The following ZNF33A variants were observed in gnomAD, a reference collection of about 807,000 sequenced individuals.
ZNF33A encodes brain my041 protein.
Under a neutral mutation model 15.9 loss-of-function variants are expected in ZNF33A, and 9 were observed. The observed-to-expected ratio is 0.57, with a 90% CI of 0.34 to 0.99. ZNF33A has a LOEUF of 0.99. Among genes scored for constraint, ZNF33A ranks in the 50% least tolerant of loss-of-function variants. The pLI is 0.02. For synonymous variants in ZNF33A, 294 were observed against 324.2 expected (o/e 0.91, Z 1.00); for missense variants, 843 against 941.6 (o/e 0.90, Z 1.37).
At chr10:38,067,146 C>G (rs2066716015), downstream of ZNF33A, among the ~76,000 whole-genome samples, 1 of 152,126 alleles carries the variant, frequency 6.6e-6, no homozygotes, top group South Asian at 2.1e-4. Flanking sequence ...TAATTTTCTC[C>G]TACCAGGAAA....
chr10:38,061,212 AGG>A (rs1213170266), downstream of ZNF33A, among the ~76,000 whole-genome samples: 1 of 151,950 alleles, frequency 6.6e-6, no homozygotes, highest in Non-Finnish European at 1.5e-5. Flanking sequence ...GAGACAACTG[AGG>A]GAGGTGAGTG....
chr10:38,015,589 G>A (rs1255919406), intron 2 of ZNF33A, among the ~76,000 whole-genome samples: 2 of 152,178 alleles, frequency 1.3e-5, no homozygotes, highest in South Asian at 2.1e-4. Context: ...CCAAAGTGCT[G>A]AGATTACAGG....
chr10:38,016,474 T>C (rs2064457815), intron 2 of ZNF33A, among the ~76,000 whole-genome samples: 1 of 152,150 alleles, frequency 6.6e-6, no homozygotes, highest in Non-Finnish European at 1.5e-5. Flanking sequence ...TAATAGAGTG[T>C]TTTTCATAAT....
chr10:38,052,324 A>G (rs1229453641), intron 4 of ZNF33A, among the ~76,000 whole-genome samples: 4 of 152,202 alleles, frequency 2.6e-5, no homozygotes, highest in African/African-American at 7.2e-5. Context: ...TATATTAGCA[A>G]TGATCAATTG....
At chr10:38,028,420 C>T (rs946348485) in intron 4 of ZNF33A, among the ~76,000 whole-genome samples, 8 of 151,516 alleles carry the variant, frequency 5.3e-5, no homozygotes, top group Non-Finnish European at 1.2e-4. Context: ...TGTTGTATAC[C>T]TTCTTTGGTC....
intron 1 of ZNF33A, 132 bp from the exon 2 acceptor site, chr10:38,012,166 A>G: frequency 1.3e-6 from 1 of 774,556 alleles, no homozygotes; most frequent in Non-Finnish European, 2.1e-6. Context: ...CCAAAGTGTC[A>G]GAGGACATTG....
At chr10:38,039,425 A>C (rs918526039) in intron 4 of ZNF33A, 2 of 447,976 alleles carry the variant, frequency 4.5e-6, no homozygotes, top group East Asian at 1.4e-4. Context: ...ATGGGGTTTC[A>C]CCATGTTCCT....
chr10:38,037,924 G>T (rs2065522038), intron 4 of ZNF33A, among the ~76,000 whole-genome samples: 1 of 152,116 alleles, frequency 6.6e-6, no homozygotes, highest in Admixed American at 6.6e-5. Flanking sequence ...TGGGATTTTG[G>T]TAGGGATTGT....
chr10:38,049,639 G>T (rs2505234), intron 4 of ZNF33A, among the ~76,000 whole-genome samples: 9,098 of 152,142 alleles, frequency 0.06, 350 homozygotes, highest in Middle Eastern at 0.095. Context: ...AGTTTAACTT[G>T]TGTTGGATAA....
rs374580915 is a variant in ZNF33A, at chr10:38,054,345, T to C, written c.251-30T>C. On this transcript the variant is annotated intron_variant, in intron 4 of 4. Coordinates refer to ENST00000432900, the MANE Select transcript of ZNF33A (RefSeq NM_006954.2). ...TCCCTAAGAAATGTTTTGGTATTTA[T>C]GTGGTAAGATTAATTTTGCTTGTTT... 2.7e-6 allele frequency: 4 copies of C among 1,499,556 alleles called. No homozygotes were observed. In the African/African-American group the frequency reaches 4.2e-5, roughly 16 times the overall value. 92.9% of individuals were successfully genotyped at this position (1,499,556 alleles called of 1,614,324 possible).
At chr10:38,051,990 A>G (rs1326798298) in intron 4 of ZNF33A, among the ~76,000 whole-genome samples, 1 of 152,166 alleles carries the variant, frequency 6.6e-6, no homozygotes, top group Non-Finnish European at 1.5e-5. Flanking sequence ...AATCTGATAA[A>G]AGTCATCTAT....
At chr10:38,017,689 G>C (rs1212900714) in intron 4 of ZNF33A, 1 of 220,358 alleles carries the variant, frequency 4.5e-6, no homozygotes, top group East Asian at 1.2e-4. Context: ...AGCACTTTCA[G>C]TGTCCTACCT....
chr10:38,033,541 A>T (rs1182903174), intron 4 of ZNF33A, among the ~76,000 whole-genome samples: 2 of 152,176 alleles, frequency 1.3e-5, no homozygotes, highest in East Asian at 3.9e-4. Context: ...ATTGTTGCTC[A>T]TAGCAGCCAC....
chr10:38,013,765 T>C (rs962667766), intron 2 of ZNF33A, among the ~76,000 whole-genome samples: 1 of 152,118 alleles, frequency 6.6e-6, no homozygotes, highest in African/African-American at 2.4e-5. Context: ...TATTTCTACA[T>C]GTGTAGCAGA....
chr10:38,015,882 A>C (rs2064430324), intron 2 of ZNF33A: 1 of 615,420 alleles, frequency 1.6e-6, no homozygotes, highest in South Asian at 8.4e-5. Context: ...TGTCGTTCTC[A>C]GTAGAATTGG....
rs138100951 is a variant in ZNF33A, at chr10:38,039,584, A to G, written c.251-14791A>G. On this transcript the variant is annotated intron_variant, in intron 4 of 4. Transcript: ENST00000432900. ...TCTTTTTACTTGTGTAGGTCTTTTC[A>G]GATTTTTCTTTTTCTACTTGAGTTG... is the stretch of plus-strand genomic sequence containing the variant. The G allele has an allele frequency of 7.0e-4, 317 of 453,184 alleles. 1 individual carries two copies. Among genetic ancestry groups the G allele is most frequent in the African/African-American group, 5.6e-3 (280 of 49,726 alleles). 28.1% of individuals were successfully genotyped at this position (453,184 alleles called of 1,614,324 possible). A position where few individuals can be genotyped will look rare whatever the true frequency, so the allele number is the denominator to read the frequency against.
intron 4 of ZNF33A, among the ~76,000 whole-genome samples, chr10:38,023,541 AG>A (rs369148031): frequency 2.0e-5 from 3 of 152,230 alleles, no homozygotes; most frequent in Non-Finnish European, 4.4e-5. Context: ...TAATAGAGAA[AG>A]GATTTGACAA....
Position 38,056,076 on chromosome 10 carries a change from C to T in ZNF33A, c.1952C>T (p.Ala651Val). The T allele has an allele frequency of 6.2e-7, 1 of 1,614,028 alleles. No individual in the cohort carries two copies. Among genetic ancestry groups the T allele is most frequent in the East Asian group, 2.2e-5 (1 of 44,846 alleles). The change falls in exon 5 of 5, where the codon GCT (alanine) becomes GTT (valine). Residue 651 changes from alanine to valine, a missense_variant. Coordinates refer to ENST00000432900, the MANE Select transcript of ZNF33A (RefSeq NM_006954.2). ...GGAAAAGCTTTCTGCCATAAGTCAG[C>T]TCTAATTGTACATCAGAGAACCCAT... Reference protein sequence around the residue: ...ECGKAFCHKSALIVHQRTHTQ... With the variant: ...ECGKAFCHKSVLIVHQRTHTQ...
Position 38,055,424 on chromosome 10 carries a change from A to G in ZNF33A, c.1300A>G (p.Thr434Ala). Residue 434 changes from threonine (T) to alanine (A), a missense_variant, in exon 5 of 5, where the codon ACA (threonine) becomes GCA (alanine). By Grantham distance (58) the Thr-to-Ala change is moderately conservative. Transcript: ENST00000432900. ...ATCTGACCTCACTAAACATCAGAGA[A>G]CACACACAGGGCTGAAACCCTATGA... ...QKSDLTKHQR[T>A]HTGLKPYECY... 2 of 1,614,120 alleles carry G rather than the reference A, an allele frequency of 1.2e-6. No homozygotes were observed. The highest frequency in any genetic ancestry group is 8.5e-7 in the Non-Finnish European group (1 of 1,180,012).
Sources: gnomAD v4.1 joint callset for allele counts (sites outside exome capture counted in the v4.1 genomes callset) on GRCh38, gnomAD v4.1.1 for gene constraint, MANE v1.5 for transcripts, NCBI Gene and HGNC (gene_info 2026-07-23, HGNC 2026-07-21) for gene names.